The following STPG2 variants were observed in gnomAD, a reference collection of about 807,000 sequenced individuals.
STPG2 encodes the protein sperm-tail PG-rich repeat-containing protein 2.
A neutral mutation model predicts 54.2 loss-of-function variants in STPG2; 56 were observed. That is an observed-to-expected ratio of 1.03 (90% CI 0.83 to 1.29). STPG2 has a LOEUF of 1.29. Among genes scored for constraint, STPG2 ranks in the 50% most tolerant of loss-of-function variants. The pLI is 0.00. For missense variants in STPG2, 596 were observed against 544.9 expected (o/e 1.09, Z -0.93); for synonymous variants, 200 against 181.8 (o/e 1.10, Z -0.81).
At position 97,978,122 on chromosome 4, in the gene STPG2, T is replaced by G. The variant is rs534238999; in HGVS notation, c.772+3037A>C. The stretch of plus-strand genomic sequence containing the variant: ...TAGAAGGAAAAGAGTTTATAAAGTG[T>G]TCAGTTTTCTGGAACTACCATTTGA... On this transcript the variant is annotated intron_variant, in intron 6 of 10. Coordinates refer to ENST00000295268, the MANE Select transcript of STPG2 (RefSeq NM_174952.3). 9.1e-4 allele frequency among the ~76,000 whole-genome samples: 139 copies of G among 152,254 alleles called. 2 individuals are homozygous for G. The highest frequency in any genetic ancestry group is 3.4e-3 in the Middle Eastern group (1 of 294).
At position 98,072,887 on chromosome 4, in the gene STPG2, T is replaced by G. The variant is rs1234896329; in HGVS notation, c.612+33066A>C. ...AACCTGCTTTATTGCTTGACCTTAG[T>G]TCCACACGTATTAGTCGTGCGAGGT... On this transcript the variant is annotated intron_variant, in intron 5 of 10. Coordinates refer to ENST00000295268, the MANE Select transcript of STPG2 (RefSeq NM_174952.3). 6.6e-5 allele frequency among the ~76,000 whole-genome samples: 10 copies of G among 152,216 alleles called. 1 individual carries two copies. Among genetic ancestry groups the G allele is most frequent in the Admixed American group, 6.5e-4 (10 of 15,288 alleles).
intron 5 of STPG2, among the ~76,000 whole-genome samples, chr4:98,074,340 A>AAAAATTC (rs1738091377): frequency 6.6e-6 from 1 of 152,072 alleles, no homozygotes; most frequent in Non-Finnish European, 1.5e-5. Context: ...CTTTTCTCCA[A>AAAAATTC]TCATTTTTAA....
intron 5 of STPG2, among the ~76,000 whole-genome samples, chr4:98,079,762 T>C (rs1738284670): frequency 6.6e-6 from 1 of 152,318 alleles, no homozygotes; most frequent in Non-Finnish European, 1.5e-5. Context: ...ATATTTTCTA[T>C]GTCATAAAAC....
At chr4:97,632,211 AAT>A (rs1224323950) in intron 10 of STPG2, among the ~76,000 whole-genome samples, 2 of 151,860 alleles carry the variant, frequency 1.3e-5, no homozygotes, top group Non-Finnish European at 2.9e-5. Context: ...TCAAACTTAA[AAT>A]ATACAAGTAA....
intron 8 of STPG2, among the ~76,000 whole-genome samples, chr4:97,879,849 G>A (rs968011255): frequency 3.3e-5 from 5 of 152,106 alleles, no homozygotes; most frequent in African/African-American, 9.7e-5. Flanking sequence ...ACTATTGGTA[G>A]GAATATAAAT....
intron 9 of STPG2, among the ~76,000 whole-genome samples, chr4:97,816,715 T>C (rs1436723144): frequency 6.6e-6 from 1 of 151,342 alleles, no homozygotes; most frequent in Non-Finnish European, 1.5e-5. Flanking sequence ...CCTTCCTTCC[T>C]TCCTTCCTCC....
chr4:97,586,840 G>A (rs6832821), intron 10 of STPG2, among the ~76,000 whole-genome samples: 151 of 152,028 alleles, frequency 9.9e-4, no homozygotes, highest in African/African-American at 3.5e-3. Flanking sequence ...TCTGTAGAGA[G>A]AAAGGAAATA....
intron 8 of STPG2, among the ~76,000 whole-genome samples, chr4:97,855,776 T>C (rs1237558356): frequency 6.6e-6 from 1 of 152,224 alleles, no homozygotes. Flanking sequence ...CTAAATTTTC[T>C]TCTAGGGTTT....
At position 98,134,356 on chromosome 4, in the gene STPG2, T is replaced by C. The variant is rs752615015; in HGVS notation, c.213A>G (p.Ser71=). ...AVPGPGHYNV[S]EAQKISRSPT... ...GTAACTATAAAGTTACCTGTGCTTC[T>C]GAAACATTATAGTGTCCTGGACCTG... The change falls in exon 2 of 11, where the codon TCA becomes TCG. Residue 71 remains serine, a synonymous_variant. Transcript: ENST00000295268. The C allele has an allele frequency of 6.5e-7, 1 of 1,541,814 alleles. No individual in the cohort carries two copies. Among genetic ancestry groups the C allele is most frequent in the Admixed American group, 1.9e-5 (1 of 53,324 alleles).
intron 4 of STPG2, among the ~76,000 whole-genome samples, chr4:97,488,804 C>T (rs1268968133): frequency 6.6e-6 from 1 of 151,726 alleles, no homozygotes; most frequent in African/African-American, 2.4e-5. Context: ...AGTTGTTCAT[C>T]TATGGTAACT....
At chr4:97,483,064 G>C (rs941814521) in intron 4 of STPG2, among the ~76,000 whole-genome samples, 11 of 151,552 alleles carry the variant, frequency 7.3e-5, no homozygotes, top group African/African-American at 2.4e-4. Flanking sequence ...GAAACTCTAA[G>C]TCTTGAAACA....
intron 4 of STPG2, among the ~76,000 whole-genome samples, chr4:97,461,455 C>G (rs976019827): frequency 6.6e-6 from 1 of 152,138 alleles, no homozygotes; most frequent in African/African-American, 2.4e-5. Context: ...GAAATAAGTG[C>G]CCTTCTATGA....
intron 8 of STPG2, among the ~76,000 whole-genome samples, chr4:97,885,184 G>A (rs1326983521): frequency 1.3e-5 from 2 of 152,146 alleles, no homozygotes; most frequent in African/African-American, 2.4e-5. Flanking sequence ...CAGTGAACTG[G>A]AGAAATAGTA....
At chr4:97,717,226 C>A (rs1377229534) in intron 9 of STPG2, among the ~76,000 whole-genome samples, 1 of 152,072 alleles carries the variant, frequency 6.6e-6, no homozygotes, top group Non-Finnish European at 1.5e-5. Context: ...ACAAAATGTC[C>A]ATGTTTATTT....
chr4:98,009,465 T>C (rs1278191421), intron 5 of STPG2, among the ~76,000 whole-genome samples: 1 of 152,080 alleles, frequency 6.6e-6, no homozygotes, highest in Non-Finnish European at 1.5e-5. Context: ...AGTTTCACTC[T>C]TTAATTTTTT....
At chr4:98,109,626 C>A (rs189350342) in intron 3 of STPG2, among the ~76,000 whole-genome samples, 1 of 152,012 alleles carries the variant, frequency 6.6e-6, no homozygotes, top group Non-Finnish European at 1.5e-5. Flanking sequence ...AGCTCCTCAT[C>A]ATTTAAAAAA....
intron 10 of STPG2, among the ~76,000 whole-genome samples, chr4:97,580,808 TGAA>T (rs1459956942): frequency 1.3e-5 from 2 of 152,046 alleles, no homozygotes; most frequent in African/African-American, 4.8e-5. Flanking sequence ...GGTATGTTGA[TGAA>T]GAGTCTGATT....
intron 5 of STPG2, among the ~76,000 whole-genome samples, chr4:97,988,027 C>T (rs921656264): frequency 8.7e-5 from 2 of 23,064 alleles, no homozygotes; most frequent in African/African-American, 3.7e-4. Context: ...GTCTGAATGT[C>T]ACACACACAC....
At chr4:98,010,444 T>A (rs976841885) in intron 5 of STPG2, among the ~76,000 whole-genome samples, 3 of 152,172 alleles carry the variant, frequency 2.0e-5, no homozygotes, top group Non-Finnish European at 4.4e-5. Flanking sequence ...GAGGCACTCT[T>A]GCTCTACTTT....
Sources: gnomAD v4.1 joint callset for allele counts (sites outside exome capture counted in the v4.1 genomes callset) on GRCh38, gnomAD v4.1.1 for gene constraint, MANE v1.5 for transcripts, NCBI Gene and HGNC (gene_info 2026-07-23, HGNC 2026-07-21) for gene names.